Variants in PDE4D observed in about 807,000 individuals in gnomAD.
PDE4D encodes the protein phosphodiesterase 4D.
A neutral mutation model predicts 87.4 loss-of-function variants in PDE4D; 24 were observed. That is an observed-to-expected ratio of 0.27 (90% confidence interval 0.20 to 0.39). The LOEUF (loss-of-function observed/expected upper bound fraction) is 0.39. PDE4D is among the 10% of genes least tolerant of loss of function. The pLI, the probability that PDE4D is intolerant of heterozygous loss-of-function variation, is 1.00. For missense variants in PDE4D, 714 were observed against 1,041.0 expected, an observed-to-expected ratio of 0.69 and a Z score of 4.32; for synonymous variants, 384 against 383.2, an observed-to-expected ratio of 1.00 and a Z score of -0.02.
intron 3 of PDE4D, among the ~76,000 whole-genome samples, chr5:59,955,265 T>C (rs1410800805): frequency 6.6e-6 from 1 of 152,202 alleles, no homozygotes; most frequent in African/African-American, 2.4e-5. Context: ...TAAAACACTA[T>C]GTATAATACT....
At chr5:60,305,846 T>C (rs1000101950) in intron 1 of PDE4D, among the ~76,000 whole-genome samples, 2 of 151,894 alleles carry the variant, frequency 1.3e-5, no homozygotes, top group Non-Finnish European at 2.9e-5. Flanking sequence ...CACACACACA[T>C]AGTTATAACT....
chr5:59,728,911 T>G (rs1312413593), intron 1 of PDE4D, among the ~76,000 whole-genome samples: 1 of 152,076 alleles, frequency 6.6e-6, no homozygotes, highest in Non-Finnish European at 1.5e-5. Flanking sequence ...ATTTTATGTT[T>G]TTATATGAGA....
intron 1 of PDE4D, among the ~76,000 whole-genome samples, chr5:59,588,386 T>A (rs564015325): frequency 6.6e-6 from 1 of 152,268 alleles, no homozygotes; most frequent in South Asian, 2.1e-4. Flanking sequence ...TTGAAATCAG[T>A]GGGAGAATGG....
At chr5:60,402,254 T>C (rs549299266) in intron 1 of PDE4D, among the ~76,000 whole-genome samples, 4 of 152,334 alleles carry the variant, frequency 2.6e-5, no homozygotes, top group African/African-American at 4.8e-5. Context: ...TCCTGGAGGT[T>C]GTGCGACATA....
intron 5 of PDE4D, chr5:59,179,710 TG>T: frequency 2.3e-6 from 1 of 431,200 alleles, no homozygotes; most frequent in Non-Finnish European, 4.6e-6. Flanking sequence ...CAGCACATTA[TG>T]GGTTGGAGCT....
chr5:59,563,071 A>T (rs1820303645), intron 1 of PDE4D, among the ~76,000 whole-genome samples: 1 of 152,248 alleles, frequency 6.6e-6, no homozygotes, highest in African/African-American at 2.4e-5. Flanking sequence ...AGTTTGCTGA[A>T]TCAAACAGCA....
At chr5:60,293,092 G>C (rs1562295244) in intron 1 of PDE4D, among the ~76,000 whole-genome samples, 1 of 146,268 alleles carries the variant, frequency 6.8e-6, no homozygotes, top group African/African-American at 2.5e-5. Flanking sequence ...TGAAACCTCT[G>C]CCCCCCCAAG....
chr5:60,155,809 A>G (rs1781921100), intron 2 of PDE4D, among the ~76,000 whole-genome samples: 1 of 39,078 alleles, frequency 2.6e-5, no homozygotes. Context: ...AAAACAGTCC[A>G]AGAATTAAGG....
intron 6 of PDE4D, among the ~76,000 whole-genome samples, chr5:59,033,569 C>T (rs905318278): frequency 1.3e-5 from 2 of 152,180 alleles, no homozygotes; most frequent in African/African-American, 4.8e-5. Flanking sequence ...GCACATCCAT[C>T]ATGTATTTAT....
intron 5 of PDE4D, among the ~76,000 whole-genome samples, chr5:59,148,501 C>T (rs1200337327): frequency 1.3e-5 from 2 of 152,126 alleles, no homozygotes; most frequent in African/African-American, 4.8e-5. Context: ...TAGATCCACA[C>T]CTCAAACAGT....
chr5:59,123,634 T>A (rs1375519051), intron 5 of PDE4D, among the ~76,000 whole-genome samples: 1 of 152,182 alleles, frequency 6.6e-6, no homozygotes, highest in Non-Finnish European at 1.5e-5. Flanking sequence ...AACCAAATGT[T>A]TTATCCTCAT....
intron 1 of PDE4D, among the ~76,000 whole-genome samples, chr5:60,334,861 G>A (rs1023828036): frequency 2.0e-5 from 3 of 152,128 alleles, no homozygotes; most frequent in African/African-American, 7.2e-5. Flanking sequence ...GTTTCCATAA[G>A]AGTAATTTTG....
chr5:59,319,571 A>G (rs892995708), intron 1 of PDE4D, among the ~76,000 whole-genome samples: 2 of 152,152 alleles, frequency 1.3e-5, no homozygotes, highest in African/African-American at 2.4e-5. Flanking sequence ...GACTGGTCTT[A>G]TGTAAATTTC....
At chr5:60,299,849 C>T (rs1024604486) in intron 1 of PDE4D, among the ~76,000 whole-genome samples, 1 of 152,104 alleles carries the variant, frequency 6.6e-6, no homozygotes, top group African/African-American at 2.4e-5. Context: ...GTAAATAGTG[C>T]TGTGATGAAC....
At chr5:60,269,664 T>C (rs1032672485) in intron 1 of PDE4D, among the ~76,000 whole-genome samples, 2 of 152,234 alleles carry the variant, frequency 1.3e-5, no homozygotes, top group African/African-American at 2.4e-5. Flanking sequence ...TAATAAAATG[T>C]ATTGGACACT....
chr5:59,925,240 T>C (rs1285189840), intron 3 of PDE4D, among the ~76,000 whole-genome samples: 2 of 150,404 alleles, frequency 1.3e-5, no homozygotes, highest in Admixed American at 6.6e-5. Flanking sequence ...AGTGTAAAAT[T>C]ATTACTTTTC....
At chr5:59,019,008 T>TA (rs970070715) in intron 6 of PDE4D, among the ~76,000 whole-genome samples, 1 of 151,820 alleles carries the variant, frequency 6.6e-6, no homozygotes, top group Admixed American at 6.6e-5. Flanking sequence ...CATTTCCGCT[T>TA]AGATACATAG....
chr5:59,752,026 G>A (rs1760554150), intron 1 of PDE4D, among the ~76,000 whole-genome samples: 1 of 152,138 alleles, frequency 6.6e-6, no homozygotes, highest in Non-Finnish European at 1.5e-5. Flanking sequence ...CCTAGTACCA[G>A]ATACAATGTC....
intron 2 of PDE4D, among the ~76,000 whole-genome samples, chr5:60,130,023 C>T (rs1487156019): frequency 6.6e-6 from 1 of 152,068 alleles, no homozygotes; most frequent in African/African-American, 2.4e-5. Flanking sequence ...ATAAAAGAGG[C>T]CCCAGAGACC....
Sources: gnomAD v4.1 joint callset for allele counts (sites outside exome capture counted in the v4.1 genomes callset) on GRCh38, gnomAD v4.1.1 for gene constraint, MANE v1.5 for transcripts, NCBI Gene and HGNC (gene_info 2026-07-23, HGNC 2026-07-21) for gene names.